Variants in NSL1 observed in about 807,000 individuals in gnomAD.
NSL1 encodes the protein kinetochore-associated protein NSL1 homolog.
Under a neutral mutation model 25.4 loss-of-function variants are expected in NSL1, and 11 were observed. The ratio of observed to expected loss-of-function variants is 0.43; its 90% CI spans 0.27 to 0.72. NSL1 has a LOEUF of 0.72. Among genes scored for constraint, NSL1 ranks in the 30% least tolerant of loss-of-function variants. The pLI, the probability that NSL1 is intolerant of heterozygous loss-of-function variation, is 0.19. For missense variants in NSL1, 330 were observed against 342.7 expected (o/e 0.96, Z 0.29); for synonymous variants, 118 against 120.6 (o/e 0.98, Z 0.14).
chr1:212,777,149 G>A (rs976137438), intron 4 of NSL1, among the ~76,000 whole-genome samples: 2 of 151,908 alleles, frequency 1.3e-5, no homozygotes, highest in Non-Finnish European at 2.9e-5. Flanking sequence ...CAAGGCAGGA[G>A]AAGCACTTGA....
At chr1:212,766,433 C>T (rs1207086382) in intron 4 of NSL1, among the ~76,000 whole-genome samples, 1 of 151,844 alleles carries the variant, frequency 6.6e-6, no homozygotes, top group Non-Finnish European at 1.5e-5. Context: ...CCTTAGAAAA[C>T]CCTGAAGACT....
At position 212,727,474 on chromosome 1, in the gene NSL1, CAACT is replaced by C. The variant is rs1250900121; in HGVS notation, c.*10930_*10933del. On this transcript the variant is annotated 3_prime_UTR_variant, in exon 6 of 6. Transcript: ENST00000366977. Reference sequence around the variant, plus strand: ...AAGTGACACAATTTCAAGCAGCAGTCAACTAAAACGATTCCTTTTGCAATTTAGG... The same window carrying C: ...AAGTGACACAATTTCAAGCAGCAGTCAAAACGATTCCTTTTGCAATTTAGG... 6 of 985,280 alleles carry C rather than the reference CAACT, an allele frequency of 6.1e-6. No homozygotes were observed. The African/African-American group carries it at 8.7e-5, about 14-fold the overall frequency. 61.0% of individuals were successfully genotyped at this position (985,280 alleles called of 1,614,324 possible). A position where few individuals can be genotyped will look rare whatever the true frequency, so the allele number is the denominator to read the frequency against.
intron 4 of NSL1, among the ~76,000 whole-genome samples, chr1:212,769,987 A>C (rs1660026351): frequency 1.3e-5 from 2 of 152,170 alleles, no homozygotes; most frequent in African/African-American, 4.8e-5. Flanking sequence ...ACAGACTAAA[A>C]GTGAAAAAAT....
intron 4 of NSL1, among the ~76,000 whole-genome samples, chr1:212,763,510 A>G (rs1659666656): frequency 6.6e-6 from 1 of 152,162 alleles, no homozygotes; most frequent in Non-Finnish European, 1.5e-5. Flanking sequence ...TGGATAAAAA[A>G]CCACCAAGTA....
Position 212,735,036 on chromosome 1 carries a change from G to C in NSL1, c.*3372C>G, listed in dbSNP as rs1237235568. 6.6e-6 allele frequency among the ~76,000 whole-genome samples: 1 copy of C among 152,176 alleles called. No homozygotes were observed. The highest frequency in any genetic ancestry group is 2.4e-5 in the African/African-American group (1 of 41,434). ...TTCTCAGAATAACGCTATGAGGTAG[G>C]CATAATTATTATCCCCATTTTGCAC... On this transcript the variant is annotated 3_prime_UTR_variant, in exon 6 of 6. Coordinates refer to ENST00000366977, the MANE Select transcript of NSL1 (RefSeq NM_015471.4).
intron 2 of NSL1, among the ~76,000 whole-genome samples, chr1:212,786,955 G>C (rs1230441360): frequency 6.6e-6 from 1 of 151,690 alleles, no homozygotes; most frequent in Admixed American, 6.6e-5. Flanking sequence ...TTGAGGCTAG[G>C]AGTTTGAGAC....
chr1:212,782,301 G>T, intron 4 of NSL1, 71 bp downstream of exon 4: 2 of 1,056,358 alleles, frequency 1.9e-6, no homozygotes, highest in Non-Finnish European at 3.0e-6. Flanking sequence ...GACCCTTTTA[G>T]AAGAATATCA....
Position 212,738,670 on chromosome 1 carries a change from A to C in NSL1, c.584T>G (p.Ile195Ser). 1 of 1,613,622 alleles carries C rather than the reference A, an allele frequency of 6.2e-7. No individual in the cohort carries two copies. Among genetic ancestry groups the C allele is most frequent in the Non-Finnish European group, 8.5e-7 (1 of 1,179,726 alleles). The change falls in exon 6 of 6, where the codon ATT becomes AGT. Residue 195 changes from isoleucine (I) to serine (S), a missense_variant. By Grantham distance (142) the Ile-to-Ser change is moderately radical. Transcript: ENST00000366977. ...TTGGGAAAATCCCTCTCCTTGTTCA[A>C]TTAATGCAGGCAAGGACTTCAAACA... ...SEAMKSLPAL[I>S]EQGEGFSQVL...
intron 4 of NSL1, among the ~76,000 whole-genome samples, chr1:212,747,848 C>G (rs1658877665): frequency 6.6e-6 from 1 of 151,524 alleles, no homozygotes; most frequent in African/African-American, 2.4e-5. Flanking sequence ...TCACTGCAAC[C>G]TCTGCCTCCT....
At chr1:212,742,885 TA>T (rs140921034) in intron 4 of NSL1, among the ~76,000 whole-genome samples, 6 of 151,552 alleles carry the variant, frequency 4.0e-5, no homozygotes, top group East Asian at 3.9e-4. Flanking sequence ...CACTTTTGCT[TA>T]AAAAAAAATG....
At position 212,738,663 on chromosome 1, in the gene NSL1, T is replaced by C; in HGVS notation, c.591A>G (p.Gln197=). 6.2e-7 allele frequency: 1 copy of C among 1,613,840 alleles called. No homozygotes were observed. Among genetic ancestry groups the C allele is most frequent in the Non-Finnish European group, 8.5e-7 (1 of 1,179,858 alleles). ...AMKSLPALIE[Q]GEGFSQVLRM... is the part of the protein sequence containing the mutation. Reference sequence around the variant, plus strand: ...TGAGAACTTGGGAAAATCCCTCTCCTTGTTCAATTAATGCAGGCAAGGACT... The same window carrying C: ...TGAGAACTTGGGAAAATCCCTCTCCCTGTTCAATTAATGCAGGCAAGGACT... The change falls in exon 6 of 6, where the codon CAA becomes CAG. Residue 197 remains glutamine, a synonymous_variant. Transcript: ENST00000366977.
At chr1:212,754,809 C>T (rs1042272176) in intron 4 of NSL1, among the ~76,000 whole-genome samples, 1 of 130,802 alleles carries the variant, frequency 7.6e-6, no homozygotes, top group Admixed American at 7.3e-5. Flanking sequence ...CAAAACTGCT[C>T]CTAACCGCTG....
At chr1:212,774,097 G>C (rs112135912) in intron 4 of NSL1, among the ~76,000 whole-genome samples, 161 of 152,192 alleles carry the variant, frequency 1.1e-3, no homozygotes, top group African/African-American at 3.8e-3. Context: ...AAGTTAGTTG[G>C]GGGTGGGGCA....
At chr1:212,772,021 T>G (rs1660143874) in intron 4 of NSL1, among the ~76,000 whole-genome samples, 2 of 152,124 alleles carry the variant, frequency 1.3e-5, no homozygotes, top group Non-Finnish European at 2.9e-5. Flanking sequence ...TCTCATGAGA[T>G]CCAATGGTTT....
chr1:212,760,925 C>T lies in NSL1; in HGVS notation c.500-21324G>A, dbSNP rs1408762408. Among the ~76,000 whole-genome samples, 1 of 152,218 alleles carries T rather than the reference C, an allele frequency of 6.6e-6. No homozygotes were observed. Among genetic ancestry groups the T allele is most frequent in the Non-Finnish European group, 1.5e-5 (1 of 68,042 alleles). ...TGGAGTCCCCATCCCAAGTAAAGAC[C>T]TATCATACCCTCTAGTACCAACCAT... On this transcript the variant is annotated intron_variant, in intron 4 of 5. Transcript: ENST00000366977. The surrounding 1 kb of genome is among the most constrained non-coding windows in gnomAD (Gnocchi z 4.3).
Position 212,736,888 on chromosome 1 carries a change from A to G in NSL1, c.*1520T>C. The G allele has an allele frequency of 2.0e-6, 2 of 984,942 alleles. No homozygotes were observed. Among genetic ancestry groups the G allele is most frequent in the Non-Finnish European group, 1.2e-6 (1 of 829,462 alleles). 61.0% of individuals were successfully genotyped at this position (984,942 alleles called of 1,614,324 possible). ...ATACCTCTCTTAAAAGGGAGGGACC[A>G]TGTTCTTATATAATCAAAATGCAAG... On this transcript the variant is annotated 3_prime_UTR_variant, in exon 6 of 6. Transcript: ENST00000366977.
intron 4 of NSL1, among the ~76,000 whole-genome samples, chr1:212,741,169 C>T (rs531852770): frequency 6.6e-6 from 1 of 152,082 alleles, no homozygotes; most frequent in Non-Finnish European, 1.5e-5. Flanking sequence ...CCCAAAAGTA[C>T]TCAGGGGCAT....
chr1:212,765,562 T>C (rs1036369985), intron 4 of NSL1, among the ~76,000 whole-genome samples: 6 of 152,182 alleles, frequency 3.9e-5, no homozygotes, highest in Admixed American at 6.5e-5. Context: ...GGCTTATGCC[T>C]ATAATCCCAG....
intron 4 of NSL1, among the ~76,000 whole-genome samples, chr1:212,761,970 C>CT (rs1269228246): frequency 1.4e-5 from 1 of 69,686 alleles, no homozygotes; most frequent in East Asian, 3.4e-4. Flanking sequence ...AGCTGATGAG[C>CT]TAAAAAAAAA....
Sources: gnomAD v4.1 joint callset for allele counts (sites outside exome capture counted in the v4.1 genomes callset) on GRCh38, gnomAD v4.1.1 for gene constraint, Gnocchi (gnomAD v3.1) non-coding constraint, MANE v1.5 for transcripts, NCBI Gene and HGNC (gene_info 2026-07-23, HGNC 2026-07-21) for gene names.